The following CELSR3 variants were observed in gnomAD, a reference collection of about 807,000 sequenced individuals.
CELSR3 encodes the protein EGF-like protein 1.
Under a neutral mutation model 270.0 loss-of-function variants are expected in CELSR3, and 73 were observed. The ratio of observed to expected loss-of-function variants is 0.27; its 90% CI spans 0.22 to 0.33. CELSR3 has a LOEUF of 0.33. Ranked by LOEUF, CELSR3 falls within the 10% of genes least tolerant of loss-of-function variation. CELSR3 has a pLI of 1.00. For synonymous variants in CELSR3, 1,780 were observed against 1,905.4 expected, an observed-to-expected ratio of 0.93 and a Z score of 1.71; for missense variants, 3,614 against 4,533.8, an observed-to-expected ratio of 0.80 and a Z score of 5.83.
At position 48,662,294 on chromosome 3, in the gene CELSR3, C is replaced by T. The variant is rs765041262; in HGVS notation, c.341G>A (p.Gly114Asp). The change falls in exon 1 of 35, where the codon GGC becomes GAC. Residue 114 changes from glycine to aspartate, a missense_variant. Gly to Asp is a moderately conservative substitution (Grantham distance 94, BLOSUM62 -1). Around this residue, in one of 7 missense-constraint regions of CELSR3, gnomAD observed 470 missense variants for 469.7 expected, o/e 1.00. Transcript: ENST00000164024. The surrounding 1 kb of genome is among the most constrained non-coding windows in gnomAD (Gnocchi z 7.1). ...TTCGCGGCTGCCCAATGGCTGGACG[C>T]CGTGTTCAATCCCCAGCTCCTCATT... ...QPNEELGIEH[G>D]VQPLGSRERE... 1 of 1,613,106 alleles carries T rather than the reference C, an allele frequency of 6.2e-7. No homozygotes were observed.
At position 48,639,386 on chromosome 3, in the gene CELSR3, C is replaced by T. The variant is rs1228589529; in HGVS notation, c.9911+288G>A. Among the ~76,000 whole-genome samples, 1 of 152,216 alleles carries T rather than the reference C, an allele frequency of 6.6e-6. No individual in the cohort carries two copies. The highest frequency in any genetic ancestry group is 2.4e-5 in the African/African-American group (1 of 41,446). ...TTCTAGGCCTCAGCTCCTGCCCTCC[C>T]ATTCGCTAGCTCAGCCCATCGGATG... On this transcript the variant is annotated intron_variant, in intron 34 of 34. Coordinates refer to ENST00000164024, the MANE Select transcript of CELSR3 (RefSeq NM_001407.3). This position sits in a 1 kb window ranked among gnomAD's most constrained non-coding sequence, Gnocchi z 4.1.
rs113209785 is a variant in CELSR3, at chr3:48,651,512, C to T, written c.6066-33G>A. 25 of 1,610,962 alleles carry T rather than the reference C, an allele frequency of 1.6e-5. No homozygotes were observed. Among genetic ancestry groups the T allele is most frequent in the South Asian group, 4.4e-5 (4 of 90,880 alleles). On this transcript the variant is annotated intron_variant, in intron 13 of 34. Coordinates refer to ENST00000164024, the MANE Select transcript of CELSR3 (RefSeq NM_001407.3). This position sits in a 1 kb window ranked among gnomAD's most constrained non-coding sequence, Gnocchi z 7.4. Reference sequence around the variant, plus strand: ...TGCAGAGCCAGGTAAGATGCCTCCACGGTATCCCAGTGACCCTCCCTGTCC... The same window carrying T: ...TGCAGAGCCAGGTAAGATGCCTCCATGGTATCCCAGTGACCCTCCCTGTCC...
Position 48,646,711 on chromosome 3 carries a change from G to T in CELSR3, c.7295+52C>A. 5 of 1,562,018 alleles carry T rather than the reference G, an allele frequency of 3.2e-6. No homozygotes were observed. Among genetic ancestry groups the T allele is most frequent in the Non-Finnish European group, 4.3e-6 (5 of 1,156,702 alleles). The stretch of plus-strand genomic sequence containing the variant: ...TACGCATCTACCCACCAAAAAAGGG[G>T]CTGCCAGGCTGAGAAGTTCGTAGGA... On this transcript the variant is annotated intron_variant, in intron 21 of 34. Coordinates refer to ENST00000164024, the MANE Select transcript of CELSR3 (RefSeq NM_001407.3). The surrounding 1 kb of genome is among the most constrained non-coding windows in gnomAD (Gnocchi z 4.8).
rs760851823 is a variant in CELSR3 at position 48,660,105 on chromosome 3, C to T, written c.2530G>A (p.Val844Met). 1.2e-6 allele frequency: 2 copies of T among 1,614,182 alleles called. No individual in the cohort carries two copies. The highest frequency in any genetic ancestry group is 2.2e-5 in the South Asian group (2 of 91,080). The part of the protein sequence containing the change: ...SDRALHDHCY[V>M]HINITDANTH... ...TTGGCATCTGTGATGTTGATGTGCA[C>T]ATAGCAGTGATCATGAAGGGCACGG... The change falls in exon 1 of 35, where the codon GTG becomes ATG. Residue 844 changes from valine (V) to methionine (M), a missense_variant. Val to Met is a conservative substitution (Grantham distance 21, BLOSUM62 1). Around this residue, in one of 7 missense-constraint regions of CELSR3, gnomAD observed 215 missense variants for 241.2 expected, o/e 0.89. Coordinates refer to ENST00000164024, the MANE Select transcript of CELSR3 (RefSeq NM_001407.3). The surrounding 1 kb of genome is among the most constrained non-coding windows in gnomAD (Gnocchi z 5.5).
rs1466407550 is a variant in CELSR3, at chr3:48,645,008, T to G, written c.7972+27A>C. On this transcript the variant is annotated intron_variant, in intron 25 of 34. Coordinates refer to ENST00000164024, the MANE Select transcript of CELSR3 (RefSeq NM_001407.3). This position sits in a 1 kb window ranked among gnomAD's most constrained non-coding sequence, Gnocchi z 5.4. ...GGTCAGGGGTCAGGCCATGTGATGG[T>G]TGGAGGTTGGGGGTCACAGCCCTCA... The G allele has an allele frequency of 1.9e-6, 3 of 1,562,084 alleles. No homozygotes were observed. Among genetic ancestry groups the G allele is most frequent in the Non-Finnish European group, 2.6e-6 (3 of 1,148,002 alleles).
In CELSR3 at chr3:48,661,682, G is replaced by C. The variant is rs1017799624; in HGVS notation, c.953C>G (p.Ala318Gly). 6.3e-7 allele frequency: 1 copy of C among 1,581,908 alleles called. No individual in the cohort carries two copies. Among genetic ancestry groups the C allele is most frequent in the African/African-American group, 1.4e-5 (1 of 73,672 alleles). ...CGGAAACTGCGGGTGGCGGTTTGCG[G>C]CGCGACGAAAGCGTGCCCGGTTCGC... The part of the protein sequence containing the change: ...TSANRARFRR[A>G]ANRHPQFPQY... Residue 318 changes from alanine to glycine, a missense_variant, in exon 1 of 35, where the codon GCC becomes GGC. Ala to Gly is a moderately conservative substitution (Grantham distance 60). Around this residue, in one of 7 missense-constraint regions of CELSR3, gnomAD observed 470 missense variants for 469.7 expected, o/e 1.00. Coordinates refer to ENST00000164024, the MANE Select transcript of CELSR3 (RefSeq NM_001407.3).
intron 16 of CELSR3, 106 bp from the exon 17 acceptor site, chr3:48,649,321 A>G: frequency 4.2e-6 from 4 of 948,252 alleles, no homozygotes; most frequent in Non-Finnish European, 6.4e-6. Context: ...GGCAGAAGTC[A>G]GAGTCATGAG....
rs780124509 is a variant in CELSR3 at position 48,660,330 on chromosome 3, C to T, written c.2305G>A (p.Ala769Thr). ...KEYHLRLNED[A>T]AVGTSVVSVT... ...CTGACCACACTGGTGCCCACAGCTG[C>T]ATCCTCATTCAGTCGTAGGTGGTAC... The change falls in exon 1 of 35, where the codon GCA (alanine) becomes ACA (threonine). Residue 769 changes from alanine to threonine, a missense_variant. Transcript: ENST00000164024. The surrounding 1 kb of genome is among the most constrained non-coding windows in gnomAD (Gnocchi z 5.5). 6.2e-7 allele frequency: 1 copy of T among 1,614,190 alleles called. No individual in the cohort carries two copies. Among genetic ancestry groups the T allele is most frequent in the South Asian group, 1.1e-5 (1 of 91,082 alleles).
Position 48,661,281 on chromosome 3 carries a change from T to G in CELSR3, c.1354A>C (p.Ile452Leu), listed in dbSNP as rs774246581. 1.9e-6 allele frequency: 3 copies of G among 1,612,914 alleles called. No homozygotes were observed. The highest frequency in any genetic ancestry group is 2.5e-6 in the Non-Finnish European group (3 of 1,179,478). Residue 452 changes from isoleucine (I) to leucine (L), a missense_variant, in exon 1 of 35, where the codon ATC (isoleucine) becomes CTC (leucine). Transcript: ENST00000164024. ...CCGTCAGTGGCACGCAGCTGCAGGATAGGGTAGCCCTCCTCCACATTCTCG... is the reference window on the plus strand; with the variant it reads ...CCGTCAGTGGCACGCAGCTGCAGGAGAGGGTAGCCCTCCTCCACATTCTCG... ...LRENVEEGYP[I>L]LQLRATDGDA...
rs1280524129 is a variant in CELSR3, at chr3:48,647,050, A to G, written c.7130-122T>C. The G allele has an allele frequency of 5.4e-6, 5 of 927,174 alleles. No homozygotes were observed. In the Admixed American group the frequency reaches 1.8e-4, roughly 33 times the overall value. The allele number at this position is 927,174 out of a possible 1,614,324, so 57.4% of individuals were successfully genotyped here. A position where few individuals can be genotyped will look rare whatever the true frequency, so the allele number is the denominator to read the frequency against. ...CTGCAGGAGCAGAATTGGGGAGTGC[A>G]GGGAGCATGAACCCAGAAAGTAACA... On this transcript the variant is annotated intron_variant, in intron 20 of 34. Transcript: ENST00000164024.
intron 20 of CELSR3, 54 bp downstream of exon 20, chr3:48,647,787 G>T: frequency 6.4e-7 from 1 of 1,572,784 alleles, no homozygotes; most frequent in Admixed American, 1.7e-5. Context: ...ATAGTATCTG[G>T]TTGGGGGGAC....
At position 48,644,832 on chromosome 3, in the gene CELSR3, G is replaced by T. The variant is rs747277150; in HGVS notation, c.7973-4C>A. 2.0e-5 allele frequency: 32 copies of T among 1,611,618 alleles called. No homozygotes were observed. The highest frequency in any genetic ancestry group is 2.6e-5 in the Non-Finnish European group (31 of 1,178,714). ...GGGTCCAGGCCCACAGCAAGGCCTT[G>T]GGAAGAGAAAGGGTAGGACTGAGGG... On this transcript the variant is annotated splice_region_variant and splice_polypyrimidine_tract_variant and intron_variant, in intron 25 of 34. Transcript: ENST00000164024. The surrounding 1 kb of genome is among the most constrained non-coding windows in gnomAD (Gnocchi z 4.8).
In CELSR3 at chr3:48,645,878, C is replaced by A; in HGVS notation, c.7464-10G>T. 6.3e-7 allele frequency: 1 copy of A among 1,591,486 alleles called. No homozygotes were observed. Among genetic ancestry groups the A allele is most frequent in the Non-Finnish European group, 8.6e-7 (1 of 1,166,040 alleles). On this transcript the variant is annotated splice_polypyrimidine_tract_variant and intron_variant, in intron 22 of 34. Transcript: ENST00000164024. The surrounding 1 kb of genome is among the most constrained non-coding windows in gnomAD (Gnocchi z 5.4). Reference sequence around the variant, plus strand: ...ACCATGCTGCTCCGCCCTGCAGCCACAGGGCAGTTAGACACAACTGTGACC... The same window carrying A: ...ACCATGCTGCTCCGCCCTGCAGCCAAAGGGCAGTTAGACACAACTGTGACC...
In CELSR3 at chr3:48,655,195, T is replaced by C; in HGVS notation, c.4837A>G (p.Thr1613Ala). ...VHLRYYNKPRTDALGGAQGPS... is the reference protein window; with the variant it reads ...VHLRYYNKPRADALGGAQGPS... ...CCCTGTGCACCCCCTAGGGCATCTG[T>C]CCGGGGCTGAAGACGCAGGCACACC... Residue 1613 changes from threonine to alanine, a missense_variant, in exon 6 of 35, where the codon ACA (threonine) becomes GCA (alanine). Physicochemically the swap from Thr to Ala is moderately conservative, Grantham distance 58. Coordinates refer to ENST00000164024, the MANE Select transcript of CELSR3 (RefSeq NM_001407.3). The surrounding 1 kb of genome is among the most constrained non-coding windows in gnomAD (Gnocchi z 5.8). The C allele has an allele frequency of 6.2e-7, 1 of 1,613,866 alleles. No individual in the cohort carries two copies. The highest frequency in any genetic ancestry group is 1.7e-5 in the Admixed American group (1 of 59,996).
At position 48,652,562 on chromosome 3, in the gene CELSR3, A is replaced by T; in HGVS notation, c.5635-9T>A. On this transcript the variant is annotated splice_polypyrimidine_tract_variant and intron_variant, in intron 10 of 34. Transcript: ENST00000164024. The surrounding 1 kb of genome is among the most constrained non-coding windows in gnomAD (Gnocchi z 4.3). ...CCCACCGCCATGGTGTCCTGGAGGA[A>T]GTGGGGCAGTCAGCACTGAGGGAGA... 3 of 1,599,390 alleles carry T rather than the reference A, an allele frequency of 1.9e-6. No homozygotes were observed. The highest frequency in any genetic ancestry group is 2.6e-6 in the Non-Finnish European group (3 of 1,171,392).
At position 48,657,013 on chromosome 3, in the gene CELSR3, C is replaced by T. The variant is rs2106718807; in HGVS notation, c.4084G>A (p.Ala1362Thr). 2 of 1,613,280 alleles carry T rather than the reference C, an allele frequency of 1.2e-6. No homozygotes were observed. The highest frequency in any genetic ancestry group is 1.3e-5 in the African/African-American group (1 of 75,010). ...TCGAGCAGGGAGCGAGCCGCCAGCGCCGCCCGGCGCACGTACAACTGCTCC... is the reference window on the plus strand; with the variant it reads ...TCGAGCAGGGAGCGAGCCGCCAGCGTCGCCCGGCGCACGTACAACTGCTCC... ...LQEQLYVRRA[A>T]LAARSLLDVL... Residue 1362 changes from alanine (A) to threonine (T), a missense_variant, in exon 2 of 35, where the codon GCG (alanine) becomes ACG (threonine). Transcript: ENST00000164024. The surrounding 1 kb of genome is among the most constrained non-coding windows in gnomAD (Gnocchi z 5.4).
chr3:48,651,245 C>G lies in CELSR3; in HGVS notation c.6186+114G>C. The G allele has an allele frequency of 6.5e-7, 1 of 1,534,436 alleles. No homozygotes were observed. Among genetic ancestry groups the G allele is most frequent in the Non-Finnish European group, 8.9e-7 (1 of 1,125,848 alleles). On this transcript the variant is annotated intron_variant, in intron 14 of 34. Coordinates refer to ENST00000164024, the MANE Select transcript of CELSR3 (RefSeq NM_001407.3). The surrounding 1 kb of genome is among the most constrained non-coding windows in gnomAD (Gnocchi z 7.4). Reference sequence around the variant, plus strand: ...AAAGGATGAGAGACAGCAACTTGGTCACAGGACACAGGCAAGAGGTTAGGG... The same window carrying G: ...AAAGGATGAGAGACAGCAACTTGGTGACAGGACACAGGCAAGAGGTTAGGG...
chr3:48,646,862 G>C lies in CELSR3; in HGVS notation c.7196C>G (p.Pro2399Arg). ...TSSVVPPPAP[P>R]EPEPGISIII... ...AATGGAGATCCCAGGCTCTGGCTCT[G>C]GCGGGGCTGGTGGGGGGACCACACT... The change falls in exon 21 of 35, where the codon CCA becomes CGA. Residue 2399 changes from proline (P) to arginine (R), a missense_variant. Pro to Arg is a moderately radical substitution (Grantham distance 103). Around this residue, in one of 7 missense-constraint regions of CELSR3, gnomAD observed 1,240 missense variants for 1,351.7 expected, o/e 0.92. Coordinates refer to ENST00000164024, the MANE Select transcript of CELSR3 (RefSeq NM_001407.3). This position sits in a 1 kb window ranked among gnomAD's most constrained non-coding sequence, Gnocchi z 4.8. 3 of 1,594,556 alleles carry C rather than the reference G, an allele frequency of 1.9e-6. No individual in the cohort carries two copies. Among genetic ancestry groups the C allele is most frequent in the Non-Finnish European group, 2.6e-6 (3 of 1,173,160 alleles).
At chr3:48,648,643 C>T in intron 18 of CELSR3, 76 bp downstream of exon 18, 1 of 1,520,352 alleles carries the variant, frequency 6.6e-7, no homozygotes, top group Non-Finnish European at 8.9e-7. Context: ...ACAGCAGGAG[C>T]CTGAGCTGGG....
Sources: gnomAD v4.1 joint callset for allele counts (sites outside exome capture counted in the v4.1 genomes callset) on GRCh38, gnomAD v4.1.1 for gene constraint, gnomAD v4.1.1 regional missense constraint, Gnocchi (gnomAD v3.1) non-coding constraint, MANE v1.5 for transcripts, NCBI Gene and HGNC (gene_info 2026-07-23, HGNC 2026-07-21) for gene names.